Variants in SCN3A observed in about 807,000 individuals in gnomAD.
The protein encoded by SCN3A is sodium channel protein type 3 subunit alpha.
In SCN3A, 60 loss-of-function variants were observed where a neutral mutation model predicts 187.6. The observed-to-expected ratio is 0.32, with a 90% CI of 0.26 to 0.40. SCN3A has a LOEUF of 0.40. Among genes scored for constraint, SCN3A ranks in the 10% least tolerant of loss-of-function variants. SCN3A has a pLI of 1.00. For missense variants in SCN3A, 1,601 were observed against 2,428.2 expected (o/e 0.66, Z 7.16); for synonymous variants, 788 against 829.2 (o/e 0.95, Z 0.85).
chr2:165,132,330 C>T lies in SCN3A; in HGVS notation c.2392-913G>A, dbSNP rs898358103. ...AAGAGCCTGCATCGCCCAGTCAATC[C>T]TAAGCCAAAAGAACAAAGCTGGAGG... On this transcript the variant is annotated intron_variant, in intron 15 of 27. Coordinates refer to ENST00000283254, the MANE Select transcript of SCN3A (RefSeq NM_006922.4). Among the ~76,000 whole-genome samples, 278 of 152,236 alleles carry T rather than the reference C, an allele frequency of 1.8e-3. 1 individual carries two copies. The highest frequency in any genetic ancestry group is 3.0e-3 in the Non-Finnish European group (203 of 68,012).
chr2:165,182,542 G>A (rs1559271014), intron 2 of SCN3A, among the ~76,000 whole-genome samples: 1 of 152,128 alleles, frequency 6.6e-6, no homozygotes, highest in Non-Finnish European at 1.5e-5. Flanking sequence ...TGTATTTAAT[G>A]CACAAGTATA....
At position 165,188,405 on chromosome 2, in the gene SCN3A, T is replaced by A. The variant is rs185357190; in HGVS notation, c.-247-1658A>T. ...GCGTTATATCTTAATAAGAGTTGCA[T>A]CTCACTTATTTTTAAAAGCAGCCCT... On this transcript the variant is annotated intron_variant, in intron 1 of 27. Coordinates refer to ENST00000283254, the MANE Select transcript of SCN3A (RefSeq NM_006922.4). Among the ~76,000 whole-genome samples, 237 of 152,264 alleles carry A rather than the reference T, an allele frequency of 1.6e-3. 1 individual carries two copies. The highest frequency in any genetic ancestry group is 2.6e-3 in the Non-Finnish European group (175 of 68,018).
intron 11 of SCN3A, among the ~76,000 whole-genome samples, chr2:165,153,131 C>T (rs1037308321): frequency 6.6e-6 from 1 of 151,824 alleles, no homozygotes; most frequent in African/African-American, 2.4e-5. Context: ...GAATAGAGTT[C>T]AGAAATAGAC....
chr2:165,097,677 T>C (rs1685422880), intron 22 of SCN3A, 153 bp from the exon 23 acceptor site: 2 of 972,424 alleles, frequency 2.1e-6, no homozygotes, highest in African/African-American at 3.3e-5. Flanking sequence ...TAGCACATAT[T>C]TGAAGGAAAA....
At chr2:165,107,879 T>A (rs1023489861) in intron 21 of SCN3A, among the ~76,000 whole-genome samples, 1 of 152,158 alleles carries the variant, frequency 6.6e-6, no homozygotes, top group Non-Finnish European at 1.5e-5. Context: ...AAGAGACATT[T>A]ATAATGAGGT....
intron 21 of SCN3A, among the ~76,000 whole-genome samples, chr2:165,108,063 A>G (rs1016670983): frequency 6.6e-6 from 1 of 152,158 alleles, no homozygotes; most frequent in African/African-American, 2.4e-5. Context: ...AATTTTGAAG[A>G]TTAGATGAGT....
chr2:165,156,724 T>A (rs1306178145), intron 9 of SCN3A, among the ~76,000 whole-genome samples: 4 of 152,006 alleles, frequency 2.6e-5, no homozygotes, highest in African/African-American at 9.7e-5. Context: ...TGATATATTG[T>A]TATTATTTAA....
intron 7 of SCN3A, among the ~76,000 whole-genome samples, chr2:165,163,330 G>A (rs771350212): frequency 3.3e-5 from 5 of 152,072 alleles, no homozygotes; most frequent in Admixed American, 6.6e-5. Flanking sequence ...ATCCAAATCT[G>A]TTAGTAAAGC....
intron 9 of SCN3A, among the ~76,000 whole-genome samples, chr2:165,161,137 C>CTTTTTTTTTTTTTTTTTT (rs61608647): frequency 1.9e-3 from 173 of 93,412 alleles, no homozygotes; most frequent in South Asian, 2.5e-3. Flanking sequence ...TTCTTTCTTT[C>CTTTTTTTTTTTTTTTTTT]TTTTTTTTTT....
chr2:165,113,138 G>T, intron 20 of SCN3A, 80 bp from the exon 21 acceptor site: 1 of 1,013,790 alleles, frequency 9.9e-7, no homozygotes, highest in Non-Finnish European at 1.5e-6. Context: ...GTATAATAGT[G>T]AGTACAAAAC....
chr2:165,144,765 G>A (rs1028088406), intron 12 of SCN3A, among the ~76,000 whole-genome samples: 4 of 150,840 alleles, frequency 2.7e-5, no homozygotes, highest in East Asian at 1.9e-4. Flanking sequence ...TTCATTGTCC[G>A]TCTCCTTTGG....
intron 1 of SCN3A, among the ~76,000 whole-genome samples, chr2:165,194,522 A>G (rs916042403): frequency 6.6e-6 from 1 of 151,786 alleles, no homozygotes; most frequent in Non-Finnish European, 1.5e-5. Flanking sequence ...AGATGCTTGC[A>G]TAGGTCCTCT....
intron 21 of SCN3A, among the ~76,000 whole-genome samples, chr2:165,110,389 G>A (rs1401366703): frequency 6.6e-6 from 1 of 152,168 alleles, no homozygotes; most frequent in Admixed American, 6.5e-5. Context: ...GAATTGAAGA[G>A]GTTACATTTT....
chr2:165,092,760 T>A lies in SCN3A; in HGVS notation c.4537-236A>T. 1 of 486,526 alleles carries A rather than the reference T, an allele frequency of 2.1e-6. No individual in the cohort carries two copies. The highest frequency in any genetic ancestry group is 2.4e-5 in the South Asian group (1 of 41,660). The allele number at this position is 486,526 out of a possible 1,614,324, so 30.1% of individuals were successfully genotyped here. A position where few individuals can be genotyped will look rare whatever the true frequency, so the allele number is the denominator to read the frequency against. ...GGTCCTATGGAAAGACAAAGCTGGA[T>A]GAGACATAAATTAAGGCTGGGCGTG... On this transcript the variant is annotated intron_variant, in intron 26 of 27. Transcript: ENST00000283254. This position sits in a 1 kb window ranked among gnomAD's most constrained non-coding sequence, Gnocchi z 4.2.
chr2:165,144,919 G>A (rs1289057750), intron 12 of SCN3A, among the ~76,000 whole-genome samples: 7 of 152,042 alleles, frequency 4.6e-5, no homozygotes. Context: ...AAATTTATTT[G>A]AGCAAAATGA....
At chr2:165,192,744 G>A (rs1373501566) in intron 1 of SCN3A, among the ~76,000 whole-genome samples, 1 of 152,060 alleles carries the variant, frequency 6.6e-6, no homozygotes, top group Non-Finnish European at 1.5e-5. Flanking sequence ...AATTTTTACA[G>A]TAATTATATA....
chr2:165,094,969 A>G (rs1685294176), intron 25 of SCN3A, among the ~76,000 whole-genome samples: 1 of 152,208 alleles, frequency 6.6e-6, no homozygotes, highest in Non-Finnish European at 1.5e-5. Flanking sequence ...TGCAGAGGCA[A>G]CAATGAATTC....
rs779307209 is a variant in SCN3A, at chr2:165,090,954, A to G, written c.5199T>C (p.Pro1733=). 6.2e-6 allele frequency: 10 copies of G among 1,614,010 alleles called. No homozygotes were observed. Among genetic ancestry groups the G allele is most frequent in the Non-Finnish European group, 8.5e-6 (10 of 1,180,012 alleles). The change falls in exon 28 of 28, where the codon CCT becomes CCC. Residue 1733 remains proline, a synonymous_variant. Transcript: ENST00000283254. The surrounding 1 kb of genome is among the most constrained non-coding windows in gnomAD (Gnocchi z 4.0). The part of the protein sequence containing the change: ...PPDCDPDTIH[P]GSSVKGDCGN... ...CACAGTCTCCCTTAACTGAGCTGCC[A>G]GGGTGAATTGTGTCAGGGTCACAGT...
chr2:165,140,699 C>T lies in SCN3A; in HGVS notation c.1971G>A (p.Val657=), dbSNP rs1687955079. The T allele has an allele frequency of 1.2e-6, 2 of 1,614,050 alleles. No homozygotes were observed. Among genetic ancestry groups the T allele is most frequent in the South Asian group, 1.1e-5 (1 of 91,076 alleles). Residue 657 remains valine (V), a synonymous_variant, in exon 13 of 28, where the codon GTG becomes GTA. Transcript: ENST00000283254. The surrounding 1 kb of genome is among the most constrained non-coding windows in gnomAD (Gnocchi z 4.2). ...TVDCNGVVSL[V]GGPSALTSPT... Reference sequence around the variant, plus strand: ...GTGACGTTAGAGCTGAAGGTCCACCCACCAAGGAAACCACACCATTGCAAT... The same window carrying T: ...GTGACGTTAGAGCTGAAGGTCCACCTACCAAGGAAACCACACCATTGCAAT...
Sources: allele counts gnomAD v4.1 joint callset (sites outside exome capture counted in the v4.1 genomes callset), GRCh38; gene constraint gnomAD v4.1.1; non-coding constraint Gnocchi (gnomAD v3.1); transcripts MANE v1.5; gene names NCBI Gene and HGNC (gene_info 2026-07-23, HGNC 2026-07-21).